LDB2: variants seen among roughly 807,000 people sequenced by gnomAD.
LDB2 encodes the protein LIM domain-binding protein 2.
In LDB2, 12 loss-of-function variants were observed where a neutral mutation model predicts 44.3. The observed-to-expected ratio is 0.27, with a 90% CI of 0.17 to 0.44. LDB2 has a LOEUF of 0.44. LDB2 is among the 20% of genes least tolerant of loss of function. The pLI is 1.00. For missense variants in LDB2, 344 were observed against 473.5 expected, an observed-to-expected ratio of 0.73 and a Z score of 2.54; for synonymous variants, 164 against 174.8, an observed-to-expected ratio of 0.94 and a Z score of 0.49.
intron 2 of LDB2, among the ~76,000 whole-genome samples, chr4:16,667,212 T>C (rs1008169986): frequency 5.9e-5 from 9 of 152,180 alleles, no homozygotes; most frequent in Non-Finnish European, 1.0e-4. Flanking sequence ...TGAACTAGTA[T>C]CTTCCAGAAC....
chr4:16,791,018 C>T (rs927704833), intron 1 of LDB2, among the ~76,000 whole-genome samples: 1 of 152,186 alleles, frequency 6.6e-6, no homozygotes, highest in Non-Finnish European at 1.5e-5. Context: ...AAAAGCCCAA[C>T]TGCCTGGCTC....
chr4:16,511,815 T>C, intron 6 of LDB2, 166 bp downstream of exon 6: 2 of 703,876 alleles, frequency 2.8e-6, no homozygotes, highest in South Asian at 2.5e-5. Context: ...GATGTTTGCC[T>C]GTCACAAATT....
At chr4:16,749,212 A>G (rs901652474) in intron 2 of LDB2, among the ~76,000 whole-genome samples, 1 of 149,736 alleles carries the variant, frequency 6.7e-6, no homozygotes, top group African/African-American at 2.5e-5. Context: ...CATGGTCCAA[A>G]GCACCAAAGA....
chr4:16,854,369 T>C (rs1788900938), intron 1 of LDB2, among the ~76,000 whole-genome samples: 1 of 146,580 alleles, frequency 6.8e-6, no homozygotes. Context: ...TATATAATTC[T>C]GTTGTGGGTT....
At chr4:16,868,711 A>G (rs1298963545) in intron 1 of LDB2, among the ~76,000 whole-genome samples, 3 of 152,238 alleles carry the variant, frequency 2.0e-5, no homozygotes, top group African/African-American at 7.2e-5. Context: ...TTATTCACAT[A>G]GGACACCAAT....
intron 2 of LDB2, among the ~76,000 whole-genome samples, chr4:16,619,512 A>T (rs1208586214): frequency 6.6e-6 from 1 of 152,256 alleles, no homozygotes; most frequent in Non-Finnish European, 1.5e-5. Context: ...TTAACATGTT[A>T]AAATACGTTG....
At chr4:16,687,633 G>A (rs1749576973) in intron 2 of LDB2, among the ~76,000 whole-genome samples, 1 of 152,110 alleles carries the variant, frequency 6.6e-6, no homozygotes, top group Non-Finnish European at 1.5e-5. Context: ...AGACCCAACT[G>A]GGAGATGTAC....
intron 1 of LDB2, among the ~76,000 whole-genome samples, chr4:16,760,606 C>T (rs1767687284): frequency 6.6e-6 from 1 of 152,048 alleles, no homozygotes; most frequent in Non-Finnish European, 1.5e-5. Flanking sequence ...GTATTGGGCA[C>T]TTAACTATGT....
chr4:16,771,336 G>A (rs1462330437), intron 1 of LDB2, among the ~76,000 whole-genome samples: 3 of 152,094 alleles, frequency 2.0e-5, no homozygotes, highest in Admixed American at 6.6e-5. Flanking sequence ...CTTGATGATG[G>A]TCAATCATTT....
intron 5 of LDB2, among the ~76,000 whole-genome samples, chr4:16,527,064 T>C (rs991515164): frequency 6.6e-6 from 1 of 152,210 alleles, no homozygotes; most frequent in African/African-American, 2.4e-5. Flanking sequence ...TAATAACTTA[T>C]TTATTATTTA....
At chr4:16,682,144 T>G (rs1430128030) in intron 2 of LDB2, among the ~76,000 whole-genome samples, 1 of 152,198 alleles carries the variant, frequency 6.6e-6, no homozygotes, top group Non-Finnish European at 1.5e-5. Flanking sequence ...GTTGATGGAT[T>G]TGAGTCTTAA....
intron 2 of LDB2, among the ~76,000 whole-genome samples, chr4:16,645,315 T>A (rs545728115): frequency 6.6e-6 from 1 of 151,864 alleles, no homozygotes; most frequent in South Asian, 2.1e-4. Flanking sequence ...GGCGGGTGGA[T>A]CATGAGGTCA....
At chr4:16,706,005 A>C (rs867494) in intron 2 of LDB2, among the ~76,000 whole-genome samples, 30,163 of 152,108 alleles carry the variant, frequency 0.2, 3,751 homozygotes, top group East Asian at 0.53. Context: ...TCTTGTGGAT[A>C]ATAGCCCAGA....
intron 1 of LDB2, 147 bp from the exon 2 acceptor site, chr4:16,759,407 G>A (rs1433366118): frequency 3.3e-6 from 2 of 601,540 alleles, no homozygotes; most frequent in Non-Finnish European, 5.9e-6. Flanking sequence ...GGGTAGGTGG[G>A]CGGTCACTCT....
At chr4:16,749,085 T>C in intron 2 of LDB2, among the ~76,000 whole-genome samples, 1 of 152,172 alleles carries the variant, frequency 6.6e-6, no homozygotes, top group East Asian at 1.9e-4. Context: ...ATGCATTCAA[T>C]AAGATTCAAG....
chr4:16,892,178 C>T (rs2110524781), intron 1 of LDB2, among the ~76,000 whole-genome samples: 1 of 152,260 alleles, frequency 6.6e-6, no homozygotes, highest in East Asian at 1.9e-4. Flanking sequence ...GCCCACGATA[C>T]ACCGTGTATT....
Position 16,586,005 on chromosome 4 carries a change from C to A in LDB2, c.532G>T (p.Ala178Ser). The change falls in exon 5 of 8, where the codon GCA (alanine) becomes TCA (serine). Residue 178 changes from alanine (A) to serine (S), a missense_variant and splice_region_variant. Ala to Ser is a moderately conservative substitution (Grantham distance 99, BLOSUM62 1). Around this residue, in one of 3 missense-constraint regions of LDB2, gnomAD observed 226 missense variants for 270.1 expected, o/e 0.84. Transcript: ENST00000304523. ...LVPRSILAMH[A>S]QDPQVLDQLS... ...TGATCCAGGACCTGAGGATCTTGTG[C>A]CTAAATGGAAAAAAAACCCCACATG... The A allele has an allele frequency of 6.2e-7, 1 of 1,612,992 alleles. No homozygotes were observed. The highest frequency in any genetic ancestry group is 8.5e-7 in the Non-Finnish European group (1 of 1,179,206).
Position 16,739,586 on chromosome 4 carries a change from AAAAATATATAT to A in LDB2, c.235+19561_235+19571del, listed in dbSNP as rs1424563830. On this transcript the variant is annotated intron_variant, in intron 2 of 7. Coordinates refer to ENST00000304523, the MANE Select transcript of LDB2 (RefSeq NM_001290.5). ...CGGTGACAGAGGGAAAAAAAAAAAAAAAAATATATATATATATATATATGTATATATACATG... is the reference window on the plus strand; with the variant it reads ...CGGTGACAGAGGGAAAAAAAAAAAAAATATATATATATGTATATATACATG... 9.4e-4 allele frequency among the ~76,000 whole-genome samples: 68 copies of A among 72,358 alleles called. 14 individuals carry two copies. Among genetic ancestry groups the A allele is most frequent in the Non-Finnish European group, 1.3e-3 (51 of 38,824 alleles). 47.5% of individuals were successfully genotyped at this position (72,358 alleles called of 152,430 possible). A position where few individuals can be genotyped will look rare whatever the true frequency, so the allele number is the denominator to read the frequency against.
At chr4:16,516,660 C>T (rs1723849169) in intron 5 of LDB2, among the ~76,000 whole-genome samples, 1 of 152,206 alleles carries the variant, frequency 6.6e-6, no homozygotes, top group South Asian at 2.1e-4. Flanking sequence ...GGGAGAGTTA[C>T]ACTTATTGTG....
Sources: gnomAD v4.1 joint callset for allele counts (sites outside exome capture counted in the v4.1 genomes callset) on GRCh38, gnomAD v4.1.1 for gene constraint, gnomAD v4.1.1 regional missense constraint, MANE v1.5 for transcripts, NCBI Gene and HGNC (gene_info 2026-07-23, HGNC 2026-07-21) for gene names.